Variants in SMOC1 observed in about 807,000 individuals in gnomAD.
SMOC1 encodes the protein SPARC related modular calcium binding 1.
A neutral mutation model predicts 56.3 loss-of-function variants in SMOC1; 22 were observed. The ratio of observed to expected loss-of-function variants is 0.39; its 90% CI spans 0.28 to 0.56. The LOEUF (loss-of-function observed/expected upper bound fraction) is 0.56. Ranked by LOEUF, SMOC1 falls within the 20% of genes least tolerant of loss-of-function variation. The pLI is 0.61. For missense variants in SMOC1, 509 were observed against 565.4 expected (o/e 0.90, Z 1.01); for synonymous variants, 193 against 215.0 (o/e 0.90, Z 0.89).
At chr14:70,020,163 T>A (rs1885657484) in intron 10 of SMOC1, among the ~76,000 whole-genome samples, 1 of 150,810 alleles carries the variant, frequency 6.6e-6, no homozygotes, top group African/African-American at 2.4e-5. Context: ...TTTTTTTTTT[T>A]AACCTGAGTC....
At chr14:69,984,261 C>A (rs1186624349) in intron 5 of SMOC1, among the ~76,000 whole-genome samples, 1 of 152,108 alleles carries the variant, frequency 6.6e-6, no homozygotes, top group African/African-American at 2.4e-5. Context: ...AAACCTCAGA[C>A]CTGATATGAA....
At chr14:70,001,820 G>A (rs781376308) in intron 7 of SMOC1, among the ~76,000 whole-genome samples, 4 of 152,292 alleles carry the variant, frequency 2.6e-5, no homozygotes, top group Non-Finnish European at 4.4e-5. Flanking sequence ...ACTTTTACAC[G>A]TAAGGAACCT....
intron 1 of SMOC1, among the ~76,000 whole-genome samples, chr14:69,891,696 AT>A (rs1341507093): frequency 6.6e-6 from 1 of 152,060 alleles, no homozygotes; most frequent in Admixed American, 6.6e-5. Flanking sequence ...CTTGCCTGTC[AT>A]CCTTGCCCTC....
chr14:69,969,021 A>G (rs1294154555), intron 3 of SMOC1, among the ~76,000 whole-genome samples: 1 of 152,238 alleles, frequency 6.6e-6, no homozygotes, highest in Non-Finnish European at 1.5e-5. Flanking sequence ...ACAAAGCATT[A>G]CAAAAAGAGA....
chr14:69,927,059 G>A (rs1885031724), intron 1 of SMOC1, among the ~76,000 whole-genome samples: 1 of 152,236 alleles, frequency 6.6e-6, no homozygotes, highest in Non-Finnish European at 1.5e-5. Flanking sequence ...ACATCCTTAT[G>A]TGGTGGTTCC....
chr14:70,025,812 G>A (rs911836803), intron 11 of SMOC1, among the ~76,000 whole-genome samples: 7 of 152,170 alleles, frequency 4.6e-5, no homozygotes, highest in South Asian at 2.1e-4. Context: ...GAACCATTCT[G>A]CATTTCAGTT....
chr14:69,986,675 G>C (rs116227599), intron 5 of SMOC1, among the ~76,000 whole-genome samples: 32 of 152,226 alleles, frequency 2.1e-4, no homozygotes, highest in African/African-American at 7.5e-4. Flanking sequence ...CCCTGACCAG[G>C]CTCCTCTGCT....
chr14:69,961,194 A>G (rs939622825), intron 3 of SMOC1, among the ~76,000 whole-genome samples: 1 of 147,996 alleles, frequency 6.8e-6, no homozygotes, highest in African/African-American at 2.5e-5. Context: ...TAATCAGCAT[A>G]ATGTTTTCAA....
chr14:69,970,580 C>G (rs1160200129), intron 3 of SMOC1, among the ~76,000 whole-genome samples: 2 of 152,158 alleles, frequency 1.3e-5, no homozygotes, highest in African/African-American at 4.8e-5. Flanking sequence ...ATGCATAGAC[C>G]TTTGATGGTG....
chr14:69,970,264 C>G (rs780446109), intron 3 of SMOC1, among the ~76,000 whole-genome samples: 1 of 152,196 alleles, frequency 6.6e-6, no homozygotes, highest in African/African-American at 2.4e-5. Flanking sequence ...GAGACTCAGT[C>G]GCTTCCTGTC....
At chr14:69,888,142 A>G (rs531679015) in intron 1 of SMOC1, among the ~76,000 whole-genome samples, 31 of 152,222 alleles carry the variant, frequency 2.0e-4, no homozygotes, top group African/African-American at 7.0e-4. Context: ...ATGAGAAATA[A>G]ATCGGAGCTG....
At chr14:69,976,451 C>T (rs1015525493) in intron 4 of SMOC1, among the ~76,000 whole-genome samples, 1 of 152,186 alleles carries the variant, frequency 6.6e-6, no homozygotes, top group Non-Finnish European at 1.5e-5. Flanking sequence ...TGAAGTCTCT[C>T]AGGTGATTCT....
intron 1 of SMOC1, among the ~76,000 whole-genome samples, chr14:69,890,987 T>C (rs1351843015): frequency 6.6e-6 from 1 of 152,110 alleles, no homozygotes; most frequent in Non-Finnish European, 1.5e-5. Context: ...AACAGAAGAA[T>C]AGAAAAATAA....
intron 3 of SMOC1, among the ~76,000 whole-genome samples, chr14:69,975,357 T>G (rs539756551): frequency 1.3e-5 from 2 of 152,102 alleles, no homozygotes; most frequent in African/African-American, 4.8e-5. Context: ...ATAGGGTGGG[T>G]TAGAATTTTT....
At chr14:69,880,403 C>A (rs75266828) in intron 1 of SMOC1, among the ~76,000 whole-genome samples, 1 of 152,016 alleles carries the variant, frequency 6.6e-6, no homozygotes, top group East Asian at 1.9e-4. Flanking sequence ...GGTCTCTCCC[C>A]CTGGGTTCAG....
At chr14:69,893,050 G>T (rs1226623960) in intron 1 of SMOC1, among the ~76,000 whole-genome samples, 1 of 152,138 alleles carries the variant, frequency 6.6e-6, no homozygotes, top group Non-Finnish European at 1.5e-5. Context: ...GTCTTCTGGA[G>T]TTTCCGCACT....
At chr14:69,931,522 C>T (rs771479760) in intron 1 of SMOC1, among the ~76,000 whole-genome samples, 4 of 152,228 alleles carry the variant, frequency 2.6e-5, no homozygotes, top group South Asian at 2.1e-4. Context: ...TGACAGCAGG[C>T]GCTGGGTCAA....
intron 1 of SMOC1, among the ~76,000 whole-genome samples, chr14:69,882,706 G>A (rs1425621085): frequency 6.6e-6 from 1 of 152,196 alleles, no homozygotes; most frequent in East Asian, 1.9e-4. Context: ...CGATGGTCAA[G>A]CCAACTGCCT....
intron 1 of SMOC1, among the ~76,000 whole-genome samples, chr14:69,892,916 C>T (rs972574273): frequency 2.0e-5 from 3 of 152,302 alleles, no homozygotes; most frequent in South Asian, 2.1e-4. Flanking sequence ...TCTGTTTCTT[C>T]GAATCAAGGT....
Sources: allele counts gnomAD v4.1 joint callset (sites outside exome capture counted in the v4.1 genomes callset), GRCh38; gene constraint gnomAD v4.1.1; transcripts MANE v1.5; gene names NCBI Gene and HGNC (gene_info 2026-07-23, HGNC 2026-07-21).